Variants in MINDY2 observed in about 807,000 individuals in gnomAD.
The protein encoded by MINDY2 is ubiquitin carboxyl-terminal hydrolase MINDY-2.
MINDY2 carries 52 observed loss-of-function variants against 68.2 expected under a neutral mutation model. The observed-to-expected ratio is 0.76, with a 90% CI of 0.61 to 0.96. The LOEUF (loss-of-function observed/expected upper bound fraction) is 0.96, where lower values mean the gene tolerates loss of function less well. Among genes scored for constraint, MINDY2 ranks in the 40% least tolerant of loss-of-function variants. MINDY2 has a pLI of 0.00. For synonymous variants in MINDY2, 372 were observed against 303.0 expected, an observed-to-expected ratio of 1.23 and a Z score of -2.36; for missense variants, 881 against 773.4, an observed-to-expected ratio of 1.14 and a Z score of -1.65.
At chr15:58,815,180 A>G (rs1342640621) in intron 4 of MINDY2, 1 of 152,112 alleles carries the variant, frequency 6.6e-6, no homozygotes, top group Non-Finnish European at 1.5e-5. Flanking sequence ...CAGTTGTCCT[A>G]GTACCATTTG....
intron 6 of MINDY2, among the ~76,000 whole-genome samples, chr15:58,835,624 G>T (rs2141029250): frequency 6.6e-6 from 1 of 152,226 alleles, no homozygotes. Context: ...TTGCACTCCA[G>T]CCTAAGCGAC....
intron 1 of MINDY2, among the ~76,000 whole-genome samples, chr15:58,783,814 G>A (rs543287636): frequency 1.3e-5 from 2 of 152,030 alleles, no homozygotes; most frequent in South Asian, 2.1e-4. Flanking sequence ...GCATGGTGGC[G>A]CACACCTGTG....
chr15:58,814,779 A>G (rs1396873561), intron 4 of MINDY2, among the ~76,000 whole-genome samples: 16 of 145,266 alleles, frequency 1.1e-4, no homozygotes, highest in Admixed American at 1.0e-3. Flanking sequence ...ACTTGGAAAT[A>G]TTCTTTAATT....
intron 6 of MINDY2, among the ~76,000 whole-genome samples, chr15:58,837,575 C>A (rs2032055871): frequency 6.7e-6 from 1 of 150,258 alleles, no homozygotes; most frequent in Non-Finnish European, 1.5e-5. Context: ...TTTAAACAAA[C>A]TATGGCTATT....
At chr15:58,852,920 C>A in intron 8 of MINDY2, among the ~76,000 whole-genome samples, 1 of 78,096 alleles carries the variant, frequency 1.3e-5, no homozygotes, top group African/African-American at 5.1e-5. Flanking sequence ...ACTGCTGTTC[C>A]TGTTTTTTTT....
At chr15:58,839,414 C>T (rs2032170673) in intron 6 of MINDY2, among the ~76,000 whole-genome samples, 1 of 152,076 alleles carries the variant, frequency 6.6e-6, no homozygotes, top group South Asian at 2.1e-4. Flanking sequence ...TCACTGCAAC[C>T]TCCACCTCCC....
chr15:58,817,934 C>T (rs1159143531), intron 4 of MINDY2, among the ~76,000 whole-genome samples: 4 of 152,072 alleles, frequency 2.6e-5, no homozygotes, highest in African/African-American at 9.7e-5. Flanking sequence ...AGAGGATAAA[C>T]GTCCTAGAAT....
intron 3 of MINDY2, among the ~76,000 whole-genome samples, chr15:58,809,313 A>G (rs751441741): frequency 3.3e-5 from 5 of 152,190 alleles, no homozygotes; most frequent in Non-Finnish European, 7.3e-5. Flanking sequence ...TCATATAAGT[A>G]GAATCATACA....
At chr15:58,847,211 T>C in intron 6 of MINDY2, 86 bp from the exon 7 acceptor site, 4 of 1,041,050 alleles carry the variant, frequency 3.8e-6, no homozygotes, top group East Asian at 2.5e-5. Context: ...ATTCTGAAGA[T>C]ACAGATTGTA....
chr15:58,771,642 G>A lies in MINDY2; in HGVS notation c.247G>A (p.Ala83Thr), dbSNP rs764540000. ...GGTTCCCGGACCCTGCAGCTCCTCC[G>A]CGGGTTTGGACTTGAAGGACAGTGG... ...PEVPGPCSSSAGLDLKDSGLE... is the reference protein window; with the variant it reads ...PEVPGPCSSSTGLDLKDSGLE... Residue 83 changes from alanine (A) to threonine (T), a missense_variant, in exon 1 of 9, where the codon GCG becomes ACG. Ala to Thr is a moderately conservative substitution (Grantham distance 58). Coordinates refer to ENST00000559228, the MANE Select transcript of MINDY2 (RefSeq NM_001040450.3). 5 of 1,612,486 alleles carry A rather than the reference G, an allele frequency of 3.1e-6. No homozygotes were observed. In the South Asian group the frequency reaches 5.5e-5, roughly 18 times the overall value.
chr15:58,824,741 C>T (rs965329728), intron 5 of MINDY2, among the ~76,000 whole-genome samples: 1 of 150,108 alleles, frequency 6.7e-6, no homozygotes, highest in African/African-American at 2.5e-5. Flanking sequence ...ACGATCTCGG[C>T]TCACTGTAAC....
intron 2 of MINDY2, among the ~76,000 whole-genome samples, chr15:58,797,543 T>C (rs944677643): frequency 1.3e-4 from 20 of 152,166 alleles, no homozygotes; most frequent in Admixed American, 1.3e-3. Context: ...TTTACCTGTT[T>C]ATTTTGACCT....
chr15:58,779,686 T>C (rs1387217194), intron 1 of MINDY2, among the ~76,000 whole-genome samples: 1 of 152,180 alleles, frequency 6.6e-6, no homozygotes, highest in Non-Finnish European at 1.5e-5. Context: ...ACAAAAGACT[T>C]AAGTAACATT....
chr15:58,829,804 A>T (rs1025045594), intron 5 of MINDY2, among the ~76,000 whole-genome samples: 15 of 152,218 alleles, frequency 9.9e-5, no homozygotes, highest in African/African-American at 3.6e-4. Context: ...CAATAGTGTG[A>T]TAATTATAGT....
rs1312245254 is a variant in MINDY2 at position 58,859,622 on chromosome 15, G to T, written c.*5012G>T. ...GACACTTTAAATATTAAAATCAGAG[G>T]CTTCCTGAACAAAACAAATTGCAAA... On this transcript the variant is annotated 3_prime_UTR_variant, in exon 9 of 9. Transcript: ENST00000559228. The T allele has an allele frequency of 6.6e-6, 1 of 152,130 alleles. No individual in the cohort carries two copies. Among genetic ancestry groups the T allele is most frequent in the Non-Finnish European group, 1.5e-5 (1 of 68,014 alleles). 9.4% of individuals were successfully genotyped at this position (152,130 alleles called of 1,614,324 possible). A position where few individuals can be genotyped will look rare whatever the true frequency, so the allele number is the denominator to read the frequency against.
In MINDY2 at chr15:58,861,769, A is replaced by T. The variant is rs1208658220; in HGVS notation, c.*7159A>T. 6.6e-6 allele frequency: 1 copy of T among 152,210 alleles called. No individual in the cohort carries two copies. The highest frequency in any genetic ancestry group is 2.1e-4 in the South Asian group (1 of 4,822). The allele number at this position is 152,210 out of a possible 1,614,324, so 9.4% of individuals were successfully genotyped here. On this transcript the variant is annotated 3_prime_UTR_variant, in exon 9 of 9. Coordinates refer to ENST00000559228, the MANE Select transcript of MINDY2 (RefSeq NM_001040450.3). Reference sequence around the variant, plus strand: ...ATGTTTGTTATTGTACCACAAAGATAGTGTCATTGTTGGGTTAAAATGTTG... The same window carrying T: ...ATGTTTGTTATTGTACCACAAAGATTGTGTCATTGTTGGGTTAAAATGTTG...
intron 5 of MINDY2, among the ~76,000 whole-genome samples, chr15:58,822,211 G>A (rs894768120): frequency 6.6e-6 from 1 of 151,382 alleles, no homozygotes; most frequent in Non-Finnish European, 1.5e-5. Context: ...CCGAGATTGC[G>A]CCGCTGTACT....
Position 58,772,110 on chromosome 15 carries a change from G to A in MINDY2, c.715G>A (p.Gly239Arg). 6.2e-7 allele frequency: 1 copy of A among 1,613,962 alleles called. No individual in the cohort carries two copies. The highest frequency in any genetic ancestry group is 8.5e-7 in the Non-Finnish European group (1 of 1,179,928). Reference sequence around the variant, plus strand: ...GGCGGCCTCCAAGGAACGCTTCCCGGGACAATCTGTGTATCACATCAAGTG... The same window carrying A: ...GGCGGCCTCCAAGGAACGCTTCCCGAGACAATCTGTGTATCACATCAAGTG... ...VLAASKERFP[G>R]QSVYHIKWIQ... is the part of the protein sequence containing the mutation. Residue 239 changes from glycine to arginine, a missense_variant, in exon 1 of 9, where the codon GGA (glycine) becomes AGA (arginine). Physicochemically the swap from Gly to Arg is moderately radical, Grantham distance 125 (BLOSUM62 -2). Transcript: ENST00000559228.
Position 58,851,840 on chromosome 15 carries a change from G to T in MINDY2, c.1612G>T (p.Glu538Ter). 1 of 1,612,976 alleles carries T rather than the reference G, an allele frequency of 6.2e-7. No individual in the cohort carries two copies. The highest frequency in any genetic ancestry group is 8.5e-7 in the Non-Finnish European group (1 of 1,179,578). ...SQEINWEQIP[E>*]GISDLELAKK... ...AGAGATCAATTGGGAACAAATCCCG[G>T]AAGGAATCAGTGATTTGGAACTAGC... The change falls in exon 8 of 9, where the codon GAA (glutamate) becomes TAA (stop). Residue 538 changes from glutamate (E) to a stop codon, truncating the protein, a stop_gained. Transcript: ENST00000559228. LOFTEE classifies it high-confidence loss of function.
Sources: gnomAD v4.1 joint callset for allele counts (sites outside exome capture counted in the v4.1 genomes callset) on GRCh38, gnomAD v4.1.1 for gene constraint, MANE v1.5 for transcripts, NCBI Gene and HGNC (gene_info 2026-07-23, HGNC 2026-07-21) for gene names.